CECR2: variants seen among roughly 807,000 people sequenced by gnomAD.
The protein encoded by CECR2 is CECR2 histone acetyl-lysine reader, also known as chromatin remodeling regulator CECR2.
Under a neutral mutation model 154.5 loss-of-function variants are expected in CECR2, and 30 were observed. The ratio of observed to expected loss-of-function variants is 0.19; its 90% CI spans 0.15 to 0.26. The LOEUF (loss-of-function observed/expected upper bound fraction) is 0.26. CECR2 is among the 10% of genes least tolerant of loss of function. The probability of loss-of-function intolerance (pLI) is 1.00; values close to 1 mark genes in which losing one functional copy is unlikely to be tolerated. For missense variants in CECR2, 1,743 were observed against 1,829.3 expected, an observed-to-expected ratio of 0.95 and a Z score of 0.86; for synonymous variants, 725 against 683.7, an observed-to-expected ratio of 1.06 and a Z score of -0.94.
chr22:17,425,096 G>A (rs1411251628), intron 1 of CECR2, among the ~76,000 whole-genome samples: 3 of 152,178 alleles, frequency 2.0e-5, no homozygotes, highest in African/African-American at 7.2e-5. Context: ...TGCTAAGAAA[G>A]TGTCTTGTGC....
intron 1 of CECR2, among the ~76,000 whole-genome samples, chr22:17,470,195 T>C (rs1019247208): frequency 4.6e-5 from 7 of 151,918 alleles, no homozygotes; most frequent in Admixed American, 1.3e-4. Context: ...CCCAACACTT[T>C]GGGAGGCTGA....
At chr22:17,457,185 G>A (rs2054867481) in intron 1 of CECR2, among the ~76,000 whole-genome samples, 1 of 152,160 alleles carries the variant, frequency 6.6e-6, no homozygotes, top group Non-Finnish European at 1.5e-5. Flanking sequence ...ACGCCACCAC[G>A]CCTGGCTAAT....
Position 17,504,943 on chromosome 22 carries a change from T to G in CECR2, c.797T>G (p.Leu266Arg), listed in dbSNP as rs754426948. ...VTESFRERTS[L>R]RERQLYKLLS... ...GAGAGTTTTCGCGAGAGGACCTCCC[T>G]TCGAGAACGGCAGCTCTACAAGCTC... Residue 266 changes from leucine (L) to arginine (R), a missense_variant, in exon 7 of 19, where the codon CTT becomes CGT. This residue lies in a region of CECR2 where 292 missense variants were observed against 301.2 expected (regional missense o/e 0.97). Coordinates refer to ENST00000262608, the MANE Select transcript of CECR2 (RefSeq NM_001290047.2). 6.2e-7 allele frequency: 1 copy of G among 1,613,440 alleles called. No individual in the cohort carries two copies. Among genetic ancestry groups the G allele is most frequent in the Non-Finnish European group, 8.5e-7 (1 of 1,179,754 alleles).
intron 9 of CECR2, among the ~76,000 whole-genome samples, chr22:17,528,888 G>T (rs894685814): frequency 3.3e-5 from 5 of 152,130 alleles, no homozygotes; most frequent in Non-Finnish European, 7.4e-5. Flanking sequence ...CAAATATTGT[G>T]GGATAATAGT....
chr22:17,447,487 T>C (rs2054692058), intron 1 of CECR2, among the ~76,000 whole-genome samples: 1 of 151,784 alleles, frequency 6.6e-6, no homozygotes, highest in Non-Finnish European at 1.5e-5. Flanking sequence ...AGAGTGCTGA[T>C]TGGTGCGTTT....
At chr22:17,456,674 AC>A (rs910164080) in intron 1 of CECR2, among the ~76,000 whole-genome samples, 2 of 152,178 alleles carry the variant, frequency 1.3e-5, no homozygotes, top group African/African-American at 4.8e-5. Flanking sequence ...AAGAGTAACA[AC>A]CTTCCTCAAG....
intron 1 of CECR2, among the ~76,000 whole-genome samples, chr22:17,475,054 G>A (rs1362926306): frequency 6.6e-6 from 1 of 152,192 alleles, no homozygotes; most frequent in Non-Finnish European, 1.5e-5. Flanking sequence ...GCAGGGAAGG[G>A]AACAGAACAG....
intron 1 of CECR2, among the ~76,000 whole-genome samples, chr22:17,417,224 A>G (rs1023080603): frequency 1.3e-5 from 2 of 152,244 alleles, no homozygotes; most frequent in African/African-American, 4.8e-5. Flanking sequence ...AGGCCTACCA[A>G]CAACCATTGA....
chr22:17,395,376 G>A (rs770677481), intron 1 of CECR2, among the ~76,000 whole-genome samples: 4 of 151,294 alleles, frequency 2.6e-5, no homozygotes, highest in Middle Eastern at 6.8e-3. Context: ...ATGGAGTCTC[G>A]CTCTGTCGCC....
At chr22:17,446,704 A>G (rs1233435658) in intron 1 of CECR2, among the ~76,000 whole-genome samples, 1 of 151,846 alleles carries the variant, frequency 6.6e-6, no homozygotes, top group Non-Finnish European at 1.5e-5. Context: ...TGACAGAGCG[A>G]GACTTTGTCT....
intron 1 of CECR2, among the ~76,000 whole-genome samples, chr22:17,432,602 C>T (rs2054442164): frequency 6.6e-6 from 1 of 152,158 alleles, no homozygotes; most frequent in African/African-American, 2.4e-5. Context: ...TATGAGGATT[C>T]CAGTGTTTCC....
At chr22:17,376,931 C>T (rs959862880) in intron 1 of CECR2, among the ~76,000 whole-genome samples, 1 of 152,126 alleles carries the variant, frequency 6.6e-6, no homozygotes, top group African/African-American at 2.4e-5. Flanking sequence ...CCACCGCTCC[C>T]AGCCCCTAAA....
At chr22:17,400,930 T>C (rs2053882327) in intron 1 of CECR2, among the ~76,000 whole-genome samples, 1 of 137,724 alleles carries the variant, frequency 7.3e-6, no homozygotes, top group Admixed American at 6.9e-5. Context: ...TTTTGACTTT[T>C]GTTGTTGTTG....
At chr22:17,407,909 G>A (rs2054009206) in intron 1 of CECR2, among the ~76,000 whole-genome samples, 1 of 152,152 alleles carries the variant, frequency 6.6e-6, no homozygotes, top group African/African-American at 2.4e-5. Context: ...ACGCTGGTCT[G>A]AAGCCAGCTT....
chr22:17,460,851 G>A (rs2054926907), intron 1 of CECR2, among the ~76,000 whole-genome samples: 1 of 152,174 alleles, frequency 6.6e-6, no homozygotes, highest in East Asian at 1.9e-4. Flanking sequence ...AATCTCTTAT[G>A]TTTATATCAA....
At position 17,542,934 on chromosome 22, in the gene CECR2, A is replaced by G; in HGVS notation, c.2791A>G (p.Lys931Glu). 1 of 1,613,790 alleles carries G rather than the reference A, an allele frequency of 6.2e-7. No homozygotes were observed. ...AATGTCAGTCACTGTGTCAGCCCCC[A>G]AGCCTGCCCTGGGCAACCCTGGGAG... ...HPMSVTVSAP[K>E]PALGNPGRAP... Residue 931 changes from lysine to glutamate, a missense_variant, in exon 16 of 19, where the codon AAG becomes GAG. Around this residue, in one of 4 missense-constraint regions of CECR2, gnomAD observed 1,250 missense variants for 1,192.1 expected, o/e 1.05. Transcript: ENST00000262608.
At chr22:17,387,898 T>A (rs2063283582) in intron 1 of CECR2, among the ~76,000 whole-genome samples, 1 of 152,180 alleles carries the variant, frequency 6.6e-6, no homozygotes, top group Non-Finnish European at 1.5e-5. Context: ...ATCATTAGAC[T>A]TCTGTTAGTA....
chr22:17,461,154 G>A (rs965034458), intron 1 of CECR2, among the ~76,000 whole-genome samples: 7 of 152,180 alleles, frequency 4.6e-5, no homozygotes, highest in East Asian at 1.9e-4. Flanking sequence ...GGGACGTTCT[G>A]TTTATTGTAG....
At chr22:17,495,568 A>T (rs1350797298) in intron 2 of CECR2, among the ~76,000 whole-genome samples, 2 of 7,556 alleles carry the variant, frequency 2.6e-4, no homozygotes, top group Non-Finnish European at 4.1e-4. Flanking sequence ...AAACTCCATT[A>T]AAAAAAAAAA....
Sources: gnomAD v4.1 joint callset for allele counts (sites outside exome capture counted in the v4.1 genomes callset) on GRCh38, gnomAD v4.1.1 for gene constraint, gnomAD v4.1.1 regional missense constraint, MANE v1.5 for transcripts, NCBI Gene and HGNC (gene_info 2026-07-23, HGNC 2026-07-21) for gene names.